The following ST6GALNAC3 variants were observed in gnomAD, a reference collection of about 807,000 sequenced individuals.
The protein encoded by ST6GALNAC3 is ST6 N-acetylgalactosaminide alpha-2,6-sialyltransferase 3.
ST6GALNAC3 carries 25 observed loss-of-function variants against 32.7 expected under a neutral mutation model. The observed-to-expected ratio is 0.76, with a 90% CI of 0.56 to 1.07. The LOEUF (loss-of-function observed/expected upper bound fraction) is 1.07, where lower values mean the gene tolerates loss of function less well. Ranked by LOEUF, ST6GALNAC3 falls within the 50% of genes least tolerant of loss-of-function variation. The probability of loss-of-function intolerance (pLI) is 0.00; values close to 1 mark genes in which losing one functional copy is unlikely to be tolerated. For synonymous variants in ST6GALNAC3, 129 were observed against 133.1 expected (o/e 0.97, Z 0.21); for missense variants, 355 against 382.4 (o/e 0.93, Z 0.60).
intron 3 of ST6GALNAC3, among the ~76,000 whole-genome samples, chr1:76,480,127 A>T (rs1436545018): frequency 6.6e-6 from 1 of 152,164 alleles, no homozygotes; most frequent in African/African-American, 2.4e-5. Flanking sequence ...TGTGACATCA[A>T]TTTGTTTTAA....
At chr1:76,517,486 C>T (rs9645421) in intron 3 of ST6GALNAC3, among the ~76,000 whole-genome samples, 6 of 151,490 alleles carry the variant, frequency 4.0e-5, no homozygotes, top group East Asian at 1.9e-4. Context: ...CTTGCAGAGT[C>T]GCCTTTTGCT....
intron 3 of ST6GALNAC3, among the ~76,000 whole-genome samples, chr1:76,581,073 T>A (rs1252475481): frequency 2.0e-5 from 3 of 152,148 alleles, no homozygotes; most frequent in African/African-American, 7.2e-5. Context: ...ATTTATCTAT[T>A]CTGATTTCCC....
At chr1:76,289,416 G>T (rs1659952766) in intron 1 of ST6GALNAC3, among the ~76,000 whole-genome samples, 1 of 152,210 alleles carries the variant, frequency 6.6e-6, no homozygotes, top group African/African-American at 2.4e-5. Flanking sequence ...TGTTTTTAAA[G>T]ATTAAATTCA....
intron 2 of ST6GALNAC3, among the ~76,000 whole-genome samples, chr1:76,365,273 G>A (rs1650279726): frequency 6.6e-6 from 1 of 152,146 alleles, no homozygotes; most frequent in Non-Finnish European, 1.5e-5. Context: ...GAGCTAAACA[G>A]TGGGTACCCA....
At chr1:76,189,367 T>A (rs371204452) in intron 1 of ST6GALNAC3, among the ~76,000 whole-genome samples, 1 of 152,288 alleles carries the variant, frequency 6.6e-6, no homozygotes, top group East Asian at 1.9e-4. Flanking sequence ...ATAGAACCTT[T>A]CTGCCTTTTT....
rs1405869425 is a variant in ST6GALNAC3 at position 76,628,675 on chromosome 1, T to G, written c.787T>G (p.Cys263Gly). 1 of 1,611,984 alleles carries G rather than the reference T, an allele frequency of 6.2e-7. No individual in the cohort carries two copies. The highest frequency in any genetic ancestry group is 1.7e-5 in the Admixed American group (1 of 59,882). Reference protein sequence around the residue: ...YHYYEQGRDECDEYFLHEHAP... With the variant: ...YHYYEQGRDEGDEYFLHEHAP... ...TTATTATGAACAAGGAAGAGATGAG[T>G]GTGATGAATATTTTCTTCATGAACA... The change falls in exon 5 of 5, where the codon TGT becomes GGT. Residue 263 changes from cysteine to glycine, a missense_variant. Transcript: ENST00000328299.
intron 3 of ST6GALNAC3, among the ~76,000 whole-genome samples, chr1:76,548,012 C>T (rs920996080): frequency 3.3e-5 from 5 of 152,148 alleles, no homozygotes; most frequent in Non-Finnish European, 5.9e-5. Context: ...CCTTTCTTAA[C>T]TTAGTGCCTG....
intron 3 of ST6GALNAC3, among the ~76,000 whole-genome samples, chr1:76,551,965 T>C (rs1664664331): frequency 6.6e-6 from 1 of 152,204 alleles, no homozygotes; most frequent in Non-Finnish European, 1.5e-5. Flanking sequence ...GTTCATGCTT[T>C]GGCCCTGGTG....
At chr1:76,089,929 G>A (rs935492410) in intron 1 of ST6GALNAC3, among the ~76,000 whole-genome samples, 6 of 152,210 alleles carry the variant, frequency 3.9e-5, no homozygotes, top group South Asian at 4.1e-4. Context: ...AGGTAGATGT[G>A]TCCCCATTTT....
intron 2 of ST6GALNAC3, among the ~76,000 whole-genome samples, chr1:76,349,731 C>T (rs568656742): frequency 3.3e-5 from 5 of 152,284 alleles, no homozygotes; most frequent in African/African-American, 1.2e-4. Context: ...GAGGATTTAT[C>T]TCATGCTTCT....
chr1:76,559,074 G>T (rs1431655031), intron 3 of ST6GALNAC3, among the ~76,000 whole-genome samples: 1 of 152,064 alleles, frequency 6.6e-6, no homozygotes, highest in East Asian at 1.9e-4. Flanking sequence ...TAGAGAAAAT[G>T]CATAGATAAT....
At chr1:76,262,474 G>C (rs1658295600) in intron 1 of ST6GALNAC3, among the ~76,000 whole-genome samples, 1 of 152,174 alleles carries the variant, frequency 6.6e-6, no homozygotes, top group Non-Finnish European at 1.5e-5. Context: ...AAAGAGGTGA[G>C]TATTGCTTTG....
chr1:76,410,079 C>A (rs926860379), intron 2 of ST6GALNAC3, among the ~76,000 whole-genome samples: 3 of 152,036 alleles, frequency 2.0e-5, no homozygotes, highest in African/African-American at 7.2e-5. Flanking sequence ...TATCAACTTT[C>A]CACACAGTTG....
intron 1 of ST6GALNAC3, among the ~76,000 whole-genome samples, chr1:76,273,568 A>T (rs1012641080): frequency 2.6e-5 from 4 of 151,626 alleles, no homozygotes; most frequent in African/African-American, 9.8e-5. Context: ...GACAAGTTAA[A>T]CTAAAATGAA....
intron 3 of ST6GALNAC3, among the ~76,000 whole-genome samples, chr1:76,470,422 A>C (rs916216683): frequency 1.3e-5 from 2 of 152,076 alleles, no homozygotes; most frequent in African/African-American, 2.4e-5. Context: ...CTCCCACTGC[A>C]TGTGTTTCTG....
chr1:76,587,412 G>C (rs1646978402), intron 3 of ST6GALNAC3, among the ~76,000 whole-genome samples: 1 of 152,178 alleles, frequency 6.6e-6, no homozygotes, highest in Non-Finnish European at 1.5e-5. Flanking sequence ...AGCTGTGACT[G>C]TGGCTTTGAG....
intron 1 of ST6GALNAC3, among the ~76,000 whole-genome samples, chr1:76,125,947 G>T (rs1012731145): frequency 6.6e-6 from 1 of 152,184 alleles, no homozygotes; most frequent in African/African-American, 2.4e-5. Flanking sequence ...AATTGAGCGG[G>T]CCCTGCAGAA....
At chr1:76,323,611 G>T (rs1647011152) in intron 2 of ST6GALNAC3, among the ~76,000 whole-genome samples, 1 of 152,026 alleles carries the variant, frequency 6.6e-6, no homozygotes, top group Admixed American at 6.6e-5. Context: ...CTCTGAAATT[G>T]TAAAAAAGAA....
rs78961559 is a variant in ST6GALNAC3 at position 76,543,586 on chromosome 1, T to C, written c.624-83866T>C. Among the ~76,000 whole-genome samples, 1,071 of 152,328 alleles carry C rather than the reference T, an allele frequency of 7.0e-3. 18 individuals are homozygous for C. The highest frequency in any genetic ancestry group is 0.041 in the East Asian group (214 of 5,190). On this transcript the variant is annotated intron_variant, in intron 3 of 4. Transcript: ENST00000328299. ...TCATTACTTTTCTTTTATTGGCATT[T>C]ACTTAAGAGTTCTAGAGCCATGCCC...
Sources: gnomAD v4.1 joint callset for allele counts (sites outside exome capture counted in the v4.1 genomes callset) on GRCh38, gnomAD v4.1.1 for gene constraint, MANE v1.5 for transcripts, NCBI Gene and HGNC (gene_info 2026-07-23, HGNC 2026-07-21) for gene names.